Variants in NCOA2 observed in about 807,000 individuals in gnomAD.
NCOA2 encodes the protein class E basic helix-loop-helix protein 75.
Under a neutral mutation model 145.1 loss-of-function variants are expected in NCOA2, and 21 were observed. The ratio of observed to expected loss-of-function variants is 0.14; its 90% CI spans 0.10 to 0.21. The LOEUF (loss-of-function observed/expected upper bound fraction) is 0.21. NCOA2 is among the 10% of genes least tolerant of loss of function. NCOA2 has a pLI of 1.00. For synonymous variants in NCOA2, 619 were observed against 637.5 expected (o/e 0.97, Z 0.44); for missense variants, 1,472 against 1,837.6 (o/e 0.80, Z 3.64).
intron 5 of NCOA2, among the ~76,000 whole-genome samples, chr8:70,171,616 G>C (rs527285627): frequency 5.9e-5 from 9 of 152,286 alleles, no homozygotes; most frequent in African/African-American, 1.9e-4. Flanking sequence ...TCATACCTGG[G>C]ACCAGGGCCA....
intron 2 of NCOA2, among the ~76,000 whole-genome samples, chr8:70,226,570 A>G (rs1449993116): frequency 6.6e-6 from 1 of 151,848 alleles, no homozygotes; most frequent in African/African-American, 2.4e-5. Context: ...AGTAAAAATT[A>G]TTTTCTTTGG....
At chr8:70,250,624 G>C (rs915297418) in intron 2 of NCOA2, among the ~76,000 whole-genome samples, 1 of 152,028 alleles carries the variant, frequency 6.6e-6, no homozygotes, top group African/African-American at 2.4e-5. Context: ...AGGGTACATG[G>C]AAGTTTACTA....
At chr8:70,324,325 A>C (rs1023428498) in intron 1 of NCOA2, among the ~76,000 whole-genome samples, 8 of 152,186 alleles carry the variant, frequency 5.3e-5, no homozygotes, top group Middle Eastern at 3.4e-3. Context: ...AAGTTGTATT[A>C]ATATCTTTGT....
intron 2 of NCOA2, among the ~76,000 whole-genome samples, chr8:70,243,497 T>C (rs1361240477): frequency 6.6e-6 from 1 of 152,078 alleles, no homozygotes; most frequent in African/African-American, 2.4e-5. Context: ...TTTCATACAG[T>C]GGCTTGTAAT....
intron 1 of NCOA2, among the ~76,000 whole-genome samples, chr8:70,356,432 T>C (rs1809704381): frequency 6.6e-6 from 1 of 152,250 alleles, no homozygotes; most frequent in African/African-American, 2.4e-5. Context: ...CTCTAATAGC[T>C]GTATTCCTAA....
chr8:70,168,312 G>T (rs754129002), intron 6 of NCOA2, among the ~76,000 whole-genome samples: 9 of 152,256 alleles, frequency 5.9e-5, no homozygotes, highest in African/African-American at 2.2e-4. Context: ...TTCAGCATCA[G>T]CATTTTATTT....
At chr8:70,311,515 G>GT (rs1295018479) in intron 1 of NCOA2, among the ~76,000 whole-genome samples, 1 of 152,140 alleles carries the variant, frequency 6.6e-6, no homozygotes, top group Non-Finnish European at 1.5e-5. Flanking sequence ...TATAAAAGTC[G>GT]TAACAGTGTA....
chr8:70,396,422 T>C (rs182659644), intron 1 of NCOA2, among the ~76,000 whole-genome samples: 1 of 152,324 alleles, frequency 6.6e-6, no homozygotes, highest in African/African-American at 2.4e-5. Flanking sequence ...ATTACTGATC[T>C]ATGTTACTTC....
chr8:70,144,201 A>C (rs1411959837), intron 13 of NCOA2, among the ~76,000 whole-genome samples: 1 of 152,248 alleles, frequency 6.6e-6, no homozygotes, highest in Non-Finnish European at 1.5e-5. Context: ...ATTTTTAATT[A>C]GTACTTTTTG....
the NCOA2 span, among the ~76,000 whole-genome samples, chr8:70,411,549 G>T: frequency 1.3e-5 from 2 of 152,154 alleles, no homozygotes; most frequent in Non-Finnish European, 2.9e-5. Context: ...TCTCCTGGGT[G>T]ACCTAATAAT....
At chr8:70,440,622 CGAGAGAAAGAAAGAAAGAAGA>C in the NCOA2 span, among the ~76,000 whole-genome samples, 1 of 99,532 alleles carries the variant, frequency 1.0e-5, no homozygotes, top group South Asian at 3.1e-4. Flanking sequence ...AAAGAGAGAG[CGAGAGAAAGAAAGAAAGAAGA>C]GAGAGAGAGA....
the NCOA2 span, among the ~76,000 whole-genome samples, chr8:70,441,541 G>GA: frequency 6.7e-6 from 1 of 148,788 alleles, no homozygotes; most frequent in African/African-American, 2.5e-5. Flanking sequence ...AGGAAAGAAA[G>GA]AGAGAGAAAG....
At chr8:70,440,376 T>C in the NCOA2 span, among the ~76,000 whole-genome samples, 2 of 152,024 alleles carry the variant, frequency 1.3e-5, no homozygotes, top group Admixed American at 1.3e-4. Context: ...AGTTTGAGAC[T>C]AGCCTGGCCA....
At chr8:70,421,930 AC>A in the NCOA2 span, among the ~76,000 whole-genome samples, 1 of 152,048 alleles carries the variant, frequency 6.6e-6, no homozygotes, top group East Asian at 1.9e-4. Context: ...CCCCATCTCT[AC>A]TAAAAATACA....
At chr8:70,336,279 G>A (rs183550488) in intron 1 of NCOA2, among the ~76,000 whole-genome samples, 34 of 152,200 alleles carry the variant, frequency 2.2e-4, no homozygotes, top group Admixed American at 1.7e-3. Flanking sequence ...GACCACTGTC[G>A]TATATATGAT....
chr8:70,189,167 T>G (rs1046916921), intron 4 of NCOA2, among the ~76,000 whole-genome samples: 14 of 152,150 alleles, frequency 9.2e-5, no homozygotes, highest in Non-Finnish European at 1.5e-5. Flanking sequence ...TCCACTTCAT[T>G]TGGGGTGTCT....
At chr8:70,173,239 G>A (rs761716461) in intron 5 of NCOA2, among the ~76,000 whole-genome samples, 16 of 152,130 alleles carry the variant, frequency 1.1e-4, no homozygotes, top group Non-Finnish European at 1.5e-4. Flanking sequence ...GTCTCAAAGG[G>A]CTTGAGTCCC....
chr8:70,324,587 C>T (rs1022954622), intron 1 of NCOA2, among the ~76,000 whole-genome samples: 11 of 152,012 alleles, frequency 7.2e-5, no homozygotes, highest in Non-Finnish European at 1.3e-4. Flanking sequence ...GCAATCCACC[C>T]GCCTTGGCCT....
the NCOA2 span, among the ~76,000 whole-genome samples, chr8:70,409,589 A>G: frequency 6.6e-6 from 1 of 152,352 alleles, no homozygotes; most frequent in Non-Finnish European, 1.5e-5. Flanking sequence ...TAAAGCTCCT[A>G]GAAGAAAACA....
Sources: allele counts gnomAD v4.1 joint callset (sites outside exome capture counted in the v4.1 genomes callset), GRCh38; gene constraint gnomAD v4.1.1; transcripts MANE v1.5; gene names NCBI Gene and HGNC (gene_info 2026-07-23, HGNC 2026-07-21).